FCHSD2: variants seen among roughly 807,000 people sequenced by gnomAD.
The protein encoded by FCHSD2 is FCH and double SH3 domains 2.
In FCHSD2, 38 loss-of-function variants were observed where a neutral mutation model predicts 108.1. The ratio of observed to expected loss-of-function variants is 0.35; its 90% confidence interval spans 0.27 to 0.46. The LOEUF is 0.46. Ranked by LOEUF, FCHSD2 falls within the 20% of genes least tolerant of loss-of-function variation. The pLI is 1.00. For synonymous variants in FCHSD2, 279 were observed against 314.7 expected, an observed-to-expected ratio of 0.89 and a Z score of 1.20; for missense variants, 751 against 897.8, an observed-to-expected ratio of 0.84 and a Z score of 2.09.
At chr11:73,126,068 G>A (rs1860847763) in intron 2 of FCHSD2, among the ~76,000 whole-genome samples, 1 of 151,964 alleles carries the variant, frequency 6.6e-6, no homozygotes, top group Non-Finnish European at 1.5e-5. Flanking sequence ...ACGGCCAGGT[G>A]CGGTGGCTCA....
chr11:73,115,318 T>C (rs1860578465), intron 2 of FCHSD2, among the ~76,000 whole-genome samples: 1 of 152,162 alleles, frequency 6.6e-6, no homozygotes, highest in African/African-American at 2.4e-5. Flanking sequence ...GCGTTGGCAA[T>C]TCAAGACTCT....
At chr11:72,872,898 A>G (rs559468769) in intron 12 of FCHSD2, among the ~76,000 whole-genome samples, 2 of 152,298 alleles carry the variant, frequency 1.3e-5, no homozygotes, top group East Asian at 3.9e-4. Context: ...TTATCATTTG[A>G]TCCCACCAGT....
chr11:73,128,525 T>C (rs1313521406), intron 2 of FCHSD2, among the ~76,000 whole-genome samples: 2 of 152,100 alleles, frequency 1.3e-5, no homozygotes, highest in Non-Finnish European at 2.9e-5. Context: ...AGTTAATTTC[T>C]GGTAAAAAAT....
intron 19 of FCHSD2, among the ~76,000 whole-genome samples, chr11:72,839,928 A>G (rs962089380): frequency 1.3e-5 from 2 of 152,208 alleles, no homozygotes; most frequent in African/African-American, 2.4e-5. Context: ...ATCAGCAGAG[A>G]CAGGTGGCGG....
chr11:72,850,757 G>A (rs900511638), intron 13 of FCHSD2, among the ~76,000 whole-genome samples: 1 of 151,826 alleles, frequency 6.6e-6, no homozygotes, highest in Non-Finnish European at 1.5e-5. Context: ...GACTGACAAG[G>A]GCCTCTAAAT....
At chr11:72,983,228 A>G (rs1370422083) in intron 8 of FCHSD2, among the ~76,000 whole-genome samples, 1 of 150,610 alleles carries the variant, frequency 6.6e-6, no homozygotes, top group Non-Finnish European at 1.5e-5. Flanking sequence ...CGGGAGGCGG[A>G]GCTTGCAGTG....
At chr11:73,055,221 A>G (rs1268055494) in intron 3 of FCHSD2, among the ~76,000 whole-genome samples, 1 of 152,002 alleles carries the variant, frequency 6.6e-6, no homozygotes, top group East Asian at 1.9e-4. Flanking sequence ...CTCCTACAAC[A>G]TGTGTGGGGA....
At chr11:72,954,401 G>A (rs896458180) in intron 8 of FCHSD2, among the ~76,000 whole-genome samples, 1 of 151,604 alleles carries the variant, frequency 6.6e-6, no homozygotes. Context: ...TAGAGATGGG[G>A]TCTCACATTG....
chr11:73,090,553 T>C (rs756784201), intron 2 of FCHSD2, among the ~76,000 whole-genome samples: 41 of 152,074 alleles, frequency 2.7e-4, no homozygotes, highest in Non-Finnish European at 5.6e-4. Flanking sequence ...CAGCATTTCC[T>C]CACGTCAAAA....
At chr11:73,126,641 C>T (rs189370237) in intron 2 of FCHSD2, among the ~76,000 whole-genome samples, 1 of 152,194 alleles carries the variant, frequency 6.6e-6, no homozygotes, top group East Asian at 1.9e-4. Context: ...GCTTAACAGA[C>T]ATGCAATAAA....
intron 13 of FCHSD2, among the ~76,000 whole-genome samples, chr11:72,866,510 T>C (rs1435491290): frequency 1.3e-5 from 2 of 152,168 alleles, no homozygotes; most frequent in East Asian, 1.9e-4. Context: ...CCTCAGGTGA[T>C]CCATCTGCCT....
At chr11:73,120,969 T>C (rs1860720359) in intron 2 of FCHSD2, among the ~76,000 whole-genome samples, 3 of 152,088 alleles carry the variant, frequency 2.0e-5, no homozygotes, top group Admixed American at 6.6e-5. Context: ...CAAGTCAATA[T>C]TTTTGTTATT....
At chr11:72,890,847 A>T (rs1303562786) in intron 10 of FCHSD2, among the ~76,000 whole-genome samples, 1 of 152,160 alleles carries the variant, frequency 6.6e-6, no homozygotes, top group Non-Finnish European at 1.5e-5. Context: ...AATTCTCTCT[A>T]AATTCTTAAA....
At chr11:72,897,132 C>T (rs1483315308) in intron 10 of FCHSD2, among the ~76,000 whole-genome samples, 1 of 152,044 alleles carries the variant, frequency 6.6e-6, no homozygotes, top group East Asian at 1.9e-4. Flanking sequence ...CACGCCCGGC[C>T]GTCCTGTGGA....
At chr11:73,122,704 C>T (rs1000561248) in intron 2 of FCHSD2, among the ~76,000 whole-genome samples, 3 of 152,104 alleles carry the variant, frequency 2.0e-5, no homozygotes, top group African/African-American at 7.2e-5. Context: ...TACTCAGATG[C>T]CTTGGAGATG....
chr11:73,034,838 C>T (rs770482452), intron 3 of FCHSD2, among the ~76,000 whole-genome samples: 2 of 152,124 alleles, frequency 1.3e-5, no homozygotes, highest in African/African-American at 4.8e-5. Context: ...TATAGAAGGA[C>T]TAAAAGTCAA....
intron 8 of FCHSD2, among the ~76,000 whole-genome samples, chr11:72,952,765 C>T (rs1856643192): frequency 6.6e-6 from 1 of 152,170 alleles, no homozygotes; most frequent in Non-Finnish European, 1.5e-5. Flanking sequence ...CTACTATGTG[C>T]CAGGCACTTA....
intron 3 of FCHSD2, among the ~76,000 whole-genome samples, chr11:73,067,443 C>T (rs879691841): frequency 5.3e-5 from 8 of 151,286 alleles, no homozygotes; most frequent in African/African-American, 1.7e-4. Flanking sequence ...CAAAACTGCG[C>T]GTTCTGCACA....
intron 3 of FCHSD2, among the ~76,000 whole-genome samples, chr11:73,068,979 C>T: frequency 6.6e-6 from 1 of 151,150 alleles, no homozygotes; most frequent in Admixed American, 6.6e-5. Flanking sequence ...TTCGCCACTG[C>T]ACTCTAGCCT....
Sources: gnomAD v4.1 joint callset for allele counts (sites outside exome capture counted in the v4.1 genomes callset) on GRCh38, gnomAD v4.1.1 for gene constraint, MANE v1.5 for transcripts, NCBI Gene and HGNC (gene_info 2026-07-23, HGNC 2026-07-21) for gene names.